CTTNBP2: variants seen among roughly 807,000 people sequenced by gnomAD.
The protein encoded by CTTNBP2 is cortactin binding protein 2.
Under a neutral mutation model 156.9 loss-of-function variants are expected in CTTNBP2, and 108 were observed. That is an observed-to-expected ratio of 0.69 (90% CI 0.59 to 0.81). The LOEUF is 0.81. CTTNBP2 is among the 30% of genes least tolerant of loss of function. The probability of loss-of-function intolerance (pLI) is 0.00; values close to 1 mark genes in which losing one functional copy is unlikely to be tolerated. For missense variants in CTTNBP2, 1,924 were observed against 2,035.4 expected (o/e 0.95, Z 1.05); for synonymous variants, 767 against 751.8 (o/e 1.02, Z -0.33).
chr7:117,857,962 T>C (rs1302228007), intron 2 of CTTNBP2, among the ~76,000 whole-genome samples: 3 of 152,194 alleles, frequency 2.0e-5, no homozygotes, highest in Non-Finnish European at 4.4e-5. Flanking sequence ...ATCACCACAG[T>C]GATACTATGA....
intron 20 of CTTNBP2, 130 bp downstream of exon 20, chr7:117,720,935 CAT>C (rs1182168105): frequency 7.1e-6 from 5 of 700,620 alleles, no homozygotes; most frequent in South Asian, 1.6e-5. Flanking sequence ...ATTTGAATGA[CAT>C]ATATAACTTT....
At position 117,784,253 on chromosome 7, in the gene CTTNBP2, G is replaced by A. The variant is rs760529651; in HGVS notation, c.2270C>T (p.Thr757Ile). 1 of 1,601,402 alleles carries A rather than the reference G, an allele frequency of 6.2e-7. No homozygotes were observed. The highest frequency in any genetic ancestry group is 8.5e-7 in the Non-Finnish European group (1 of 1,174,940). Residue 757 changes from threonine to isoleucine, a missense_variant and splice_region_variant, in exon 5 of 23, where the codon ACA becomes ATA. By Grantham distance (89) the Thr-to-Ile change is moderately conservative. Transcript: ENST00000160373. ...ALYSAAKNGH[T>I]DCVRLLLSAE... ...GTATAAGATCTCGCCATATTTACCT[G>A]TATGTCCATTCTTAGCAGCAGAATA...
intron 8 of CTTNBP2, among the ~76,000 whole-genome samples, chr7:117,772,915 C>T (rs1797869921): frequency 6.6e-6 from 1 of 152,084 alleles, no homozygotes; most frequent in South Asian, 2.1e-4. Flanking sequence ...TAGGGTTCTG[C>T]CAGTCACTGC....
At chr7:117,777,825 T>C in intron 7 of CTTNBP2, 60 bp from the exon 8 acceptor site, 2 of 1,492,196 alleles carry the variant, frequency 1.3e-6, no homozygotes, top group Non-Finnish European at 1.8e-6. Flanking sequence ...AAGGAAAATA[T>C]TATTGAAAGT....
intron 2 of CTTNBP2, among the ~76,000 whole-genome samples, chr7:117,856,157 T>G (rs953787815): frequency 6.6e-5 from 10 of 152,178 alleles, no homozygotes; most frequent in African/African-American, 2.4e-4. Flanking sequence ...CCTATGCAAC[T>G]AGGAAAAGTT....
At chr7:117,857,264 T>C (rs181917568) in intron 2 of CTTNBP2, among the ~76,000 whole-genome samples, 59 of 152,350 alleles carry the variant, frequency 3.9e-4, no homozygotes, top group African/African-American at 1.3e-3. Flanking sequence ...ATTCAGATTT[T>C]TCCATCAATA....
At chr7:117,751,935 G>A (rs1361535034) in intron 12 of CTTNBP2, among the ~76,000 whole-genome samples, 1 of 152,086 alleles carries the variant, frequency 6.6e-6, no homozygotes, top group South Asian at 2.1e-4. Flanking sequence ...GAAGTCAAAT[G>A]TTCCACTGGT....
intron 22 of CTTNBP2, among the ~76,000 whole-genome samples, chr7:117,717,745 A>G (rs1015072380): frequency 9.2e-5 from 10 of 108,116 alleles, no homozygotes; most frequent in Admixed American, 5.0e-4. Context: ...ATATAAAATG[A>G]AAAAAAAAAA....
chr7:117,869,553 T>C (rs1337795168), intron 1 of CTTNBP2, among the ~76,000 whole-genome samples: 2 of 152,338 alleles, frequency 1.3e-5, no homozygotes, highest in South Asian at 2.1e-4. Context: ...CAACAGCAGA[T>C]ATTTGTAAAT....
chr7:117,799,146 T>C (rs929025126), intron 3 of CTTNBP2, among the ~76,000 whole-genome samples: 1 of 151,050 alleles, frequency 6.6e-6, no homozygotes, highest in Non-Finnish European at 1.5e-5. Context: ...TTTCAGAAAA[T>C]AGAAAAGACT....
chr7:117,840,004 G>C (rs1433557895), intron 2 of CTTNBP2, among the ~76,000 whole-genome samples: 1 of 152,080 alleles, frequency 6.6e-6, no homozygotes, highest in Non-Finnish European at 1.5e-5. Context: ...GGGATATATA[G>C]ATTAATAAAT....
At chr7:117,790,263 T>C (rs1798917028) in intron 4 of CTTNBP2, among the ~76,000 whole-genome samples, 2 of 152,232 alleles carry the variant, frequency 1.3e-5, no homozygotes, top group African/African-American at 4.8e-5. Flanking sequence ...GAATCCAGTC[T>C]CTGCCATTTA....
Position 117,768,581 on chromosome 7 carries a change from A to AAAAAAAAAG in CTTNBP2, c.2779-1406_2779-1405insCTTTTTTTT, listed in dbSNP as rs1554419704. Among the ~76,000 whole-genome samples the AAAAAAAAAG allele has an allele frequency of 4.9e-4, 49 of 99,118 alleles. 2 individuals carry two copies. The highest frequency in any genetic ancestry group is 1.6e-3 in the African/African-American group (34 of 21,036). 65.0% of individuals were successfully genotyped at this position (99,118 alleles called of 152,430 possible). A position where few individuals can be genotyped will look rare whatever the true frequency, so the allele number is the denominator to read the frequency against. ...ACTCTGTCTCAAAAAAAAAAAAAAA[A>AAAAAAAAAG]AAAGAAAGAAAGAAAGAAAGAAATA... On this transcript the variant is annotated intron_variant, in intron 8 of 22. Coordinates refer to ENST00000160373, the MANE Select transcript of CTTNBP2 (RefSeq NM_033427.3).
In CTTNBP2 at chr7:117,775,857, C is replaced by A. The variant is rs150389055; in HGVS notation, c.2778+1654G>T. Among the ~76,000 whole-genome samples the A allele has an allele frequency of 1.4e-3, 220 of 152,164 alleles. 3 individuals carry two copies. In the East Asian group the frequency reaches 0.041, roughly 28 times the overall value. Reference sequence around the variant, plus strand: ...AAATCATACAAACAAATCAAGTTCCCAGAATTTTTTTATCTCTTTTGTCAA... The same window carrying A: ...AAATCATACAAACAAATCAAGTTCCAAGAATTTTTTTATCTCTTTTGTCAA... On this transcript the variant is annotated intron_variant, in intron 8 of 22. Transcript: ENST00000160373.
chr7:117,811,889 GTAAAAATTTTAATTAAA>G (rs1392748111), intron 2 of CTTNBP2, among the ~76,000 whole-genome samples: 2 of 124,270 alleles, frequency 1.6e-5, no homozygotes, highest in African/African-American at 3.6e-5. Flanking sequence ...AAATTTTAAT[GTAAAAATTTTAATTAAA>G]TTAAAATTTT....
intron 16 of CTTNBP2, among the ~76,000 whole-genome samples, chr7:117,728,531 A>C (rs1252317521): frequency 3.9e-5 from 6 of 152,170 alleles, no homozygotes; most frequent in Non-Finnish European, 7.4e-5. Context: ...CAGGAGCCTG[A>C]GGCAGGAAGA....
Position 117,710,667 on chromosome 7 carries a change from T to G in CTTNBP2, c.*870A>C, listed in dbSNP as rs1267077546. The G allele has an allele frequency of 6.6e-6, 1 of 152,596 alleles. No homozygotes were observed. The highest frequency in any genetic ancestry group is 1.5e-5 in the Non-Finnish European group (1 of 68,010). 9.5% of individuals were successfully genotyped at this position (152,596 alleles called of 1,614,324 possible). ...GCAAAATGATTTCATGAAATCAATA[T>G]TTTATTCAGTGTCAAAGCATCTTAA... On this transcript the variant is annotated 3_prime_UTR_variant, in exon 23 of 23. Coordinates refer to ENST00000160373, the MANE Select transcript of CTTNBP2 (RefSeq NM_033427.3).
intron 3 of CTTNBP2, among the ~76,000 whole-genome samples, chr7:117,795,807 CAT>C (rs1799282308): frequency 2.0e-5 from 3 of 152,316 alleles, no homozygotes; most frequent in East Asian, 3.9e-4. Context: ...CAAACTAATA[CAT>C]GTCTTAATAA....
chr7:117,777,581 G>T lies in CTTNBP2; in HGVS notation c.2708C>A (p.Ala903Glu). Reference sequence around the variant, plus strand: ...TCTGTTGGCGTGGTTAATGAGGTCTGCAGGAACAACAGGCTTGGATATGCC... The same window carrying T: ...TCTGTTGGCGTGGTTAATGAGGTCTTCAGGAACAACAGGCTTGGATATGCC... ...PEGISKPVVP[A>E]DLINHANREG... The change falls in exon 8 of 23, where the codon GCA (alanine) becomes GAA (glutamate). Residue 903 changes from alanine to glutamate, a missense_variant. Coordinates refer to ENST00000160373, the MANE Select transcript of CTTNBP2 (RefSeq NM_033427.3). The T allele has an allele frequency of 6.2e-7, 1 of 1,613,984 alleles. No homozygotes were observed. The highest frequency in any genetic ancestry group is 2.2e-5 in the East Asian group (1 of 44,870).
Sources: allele counts gnomAD v4.1 joint callset (sites outside exome capture counted in the v4.1 genomes callset), GRCh38; gene constraint gnomAD v4.1.1; transcripts MANE v1.5; gene names NCBI Gene and HGNC (gene_info 2026-07-23, HGNC 2026-07-21).